CSNK2A2IP: variants seen among roughly 807,000 people sequenced by gnomAD.
CSNK2A2IP encodes casein kinase 2 subunit alpha' interacting protein, also known as casein kinase II subunit alpha'-interacting protein.
the CSNK2A2IP span, among the ~76,000 whole-genome samples, chr3:88,419,442 T>A: frequency 1.8e-3 from 273 of 152,336 alleles, no homozygotes; most frequent in Middle Eastern, 0.014. Flanking sequence ...GATTTCATTA[T>A]TTTTTATGGA....
the CSNK2A2IP span, among the ~76,000 whole-genome samples, chr3:88,338,889 G>C: frequency 3.3e-5 from 5 of 151,858 alleles, no homozygotes; most frequent in Admixed American, 2.0e-4. Flanking sequence ...TCCCACTTAT[G>C]CTTTATTTAT....
chr3:88,389,246 A>C, the CSNK2A2IP span, among the ~76,000 whole-genome samples: 1 of 151,354 alleles, frequency 6.6e-6, no homozygotes, highest in Non-Finnish European at 1.5e-5. Flanking sequence ...AAAAAAAAAA[A>C]CTCTGCCAAT....
At chr3:88,379,615 G>A in the CSNK2A2IP span, among the ~76,000 whole-genome samples, 1 of 151,956 alleles carries the variant, frequency 6.6e-6, no homozygotes, top group Admixed American at 6.6e-5. Context: ...TTAGTCCTGT[G>A]AATTAATATT....
At chr3:88,407,757 T>G in the CSNK2A2IP span, among the ~76,000 whole-genome samples, 1 of 152,106 alleles carries the variant, frequency 6.6e-6, no homozygotes. Flanking sequence ...GGAGTCTTGC[T>G]CAGCCACCCA....
the CSNK2A2IP span, among the ~76,000 whole-genome samples, chr3:88,418,159 A>G: frequency 6.6e-6 from 1 of 152,148 alleles, no homozygotes; most frequent in Non-Finnish European, 1.5e-5. Flanking sequence ...AGGGTATTAG[A>G]TTCCTTATGG....
the CSNK2A2IP span, among the ~76,000 whole-genome samples, chr3:88,396,581 G>A: frequency 6.6e-6 from 1 of 152,142 alleles, no homozygotes; most frequent in Non-Finnish European, 1.5e-5. Context: ...AACGACCTGT[G>A]GTGGGAGGAA....
chr3:88,342,611 T>C, the CSNK2A2IP span, among the ~76,000 whole-genome samples: 4 of 151,898 alleles, frequency 2.6e-5, no homozygotes, highest in South Asian at 6.2e-4. Flanking sequence ...TGAAGTTTTC[T>C]TTTAGCAATA....
chr3:88,390,407 C>T, the CSNK2A2IP span, among the ~76,000 whole-genome samples: 1 of 152,104 alleles, frequency 6.6e-6, no homozygotes, highest in African/African-American at 2.4e-5. Flanking sequence ...TGACACTGAC[C>T]TGGAACTGTT....
chr3:88,350,162 A>G, the CSNK2A2IP span, among the ~76,000 whole-genome samples: 3 of 151,970 alleles, frequency 2.0e-5, no homozygotes, highest in Non-Finnish European at 4.4e-5. Flanking sequence ...CCCTCTCCCC[A>G]TGCTCTTTCT....
the CSNK2A2IP span, among the ~76,000 whole-genome samples, chr3:88,383,274 T>C: frequency 6.6e-6 from 1 of 152,202 alleles, no homozygotes; most frequent in Non-Finnish European, 1.5e-5. Context: ...GTAGAAACAT[T>C]ATGGACATTG....
chr3:88,405,567 T>G, the CSNK2A2IP span, among the ~76,000 whole-genome samples: 1 of 152,158 alleles, frequency 6.6e-6, no homozygotes, highest in Admixed American at 6.5e-5. Context: ...CTTCTTTGGG[T>G]TAGGCCTAGG....
At chr3:88,396,079 T>G in the CSNK2A2IP span, among the ~76,000 whole-genome samples, 567 of 150,576 alleles carry the variant, frequency 3.8e-3, 1 homozygote, top group Non-Finnish European at 7.2e-3. Flanking sequence ...ACATATTAAG[T>G]GCAATAAAAG....
the CSNK2A2IP span, among the ~76,000 whole-genome samples, chr3:88,424,393 T>C: frequency 6.6e-6 from 1 of 152,222 alleles, no homozygotes; most frequent in Non-Finnish European, 1.5e-5. Flanking sequence ...CGGTATAATG[T>C]GACGTTGTAC....
the CSNK2A2IP span, among the ~76,000 whole-genome samples, chr3:88,446,467 A>T: frequency 6.6e-6 from 1 of 152,310 alleles, no homozygotes; most frequent in Admixed American, 6.5e-5. Flanking sequence ...GTAACTGTAT[A>T]GGAGAACATT....
the CSNK2A2IP span, among the ~76,000 whole-genome samples, chr3:88,447,603 A>G: frequency 6.6e-6 from 1 of 152,132 alleles, no homozygotes; most frequent in Non-Finnish European, 1.5e-5. Flanking sequence ...TAACCTGAAC[A>G]TATCTATTAT....
At chr3:88,423,566 C>T in the CSNK2A2IP span, among the ~76,000 whole-genome samples, 2 of 152,008 alleles carry the variant, frequency 1.3e-5, no homozygotes, top group African/African-American at 4.8e-5. Context: ...ATGGAAAAAG[C>T]CCATTTCATA....
chr3:88,409,868 A>T, the CSNK2A2IP span, among the ~76,000 whole-genome samples: 1 of 152,080 alleles, frequency 6.6e-6, no homozygotes, highest in South Asian at 2.1e-4. Flanking sequence ...TAAAAACTCA[A>T]ATTATGCTTT....
the CSNK2A2IP span, among the ~76,000 whole-genome samples, chr3:88,417,692 C>A: frequency 2.0e-5 from 3 of 152,152 alleles, no homozygotes; most frequent in Non-Finnish European, 4.4e-5. Flanking sequence ...ATATTGATTG[C>A]AAATTTGCTT....
At chr3:88,384,823 G>T in the CSNK2A2IP span, among the ~76,000 whole-genome samples, 1 of 152,122 alleles carries the variant, frequency 6.6e-6, no homozygotes, top group African/African-American at 2.4e-5. Flanking sequence ...TATATATTTG[G>T]GGGTAGAATT....
Sources: allele counts gnomAD v4.1 joint callset (sites outside exome capture counted in the v4.1 genomes callset), GRCh38; gene constraint gnomAD v4.1.1; transcripts MANE v1.5; gene names NCBI Gene and HGNC (gene_info 2026-07-23, HGNC 2026-07-21).